The following LRRTM4 variants were observed in gnomAD, a reference collection of about 807,000 sequenced individuals.
LRRTM4 encodes the protein leucine-rich repeat transmembrane neuronal protein 4.
LRRTM4 carries 25 observed loss-of-function variants against 47.6 expected under a neutral mutation model. The observed-to-expected ratio is 0.53, with a 90% confidence interval of 0.38 to 0.73. LRRTM4 has a LOEUF of 0.73. Ranked by LOEUF, LRRTM4 falls within the 30% of genes least tolerant of loss-of-function variation. The pLI is 0.00. For missense variants in LRRTM4, 638 were observed against 713.4 expected (o/e 0.89, Z 1.20); for synonymous variants, 311 against 269.5 (o/e 1.15, Z -1.51).
chr2:76,963,556 TTTC>T (rs1418623133), intron 3 of LRRTM4, among the ~76,000 whole-genome samples: 16 of 151,016 alleles, frequency 1.1e-4, no homozygotes, highest in African/African-American at 3.9e-4. Flanking sequence ...ATGAAATTTA[TTTC>T]TTCCTTGAGA....
At chr2:76,785,349 A>AAAT (rs1674617667) in intron 3 of LRRTM4, among the ~76,000 whole-genome samples, 2 of 152,292 alleles carry the variant, frequency 1.3e-5, no homozygotes, top group South Asian at 4.1e-4. Context: ...GGATTAAGCA[A>AAAT]AATAGAGCAT....
intron 3 of LRRTM4, among the ~76,000 whole-genome samples, chr2:76,797,157 C>A (rs1380080634): frequency 1.3e-5 from 2 of 151,908 alleles, no homozygotes; most frequent in African/African-American, 2.4e-5. Context: ...CCAATACACA[C>A]AATTGTCAGA....
chr2:77,512,949 C>A (rs190231356), intron 3 of LRRTM4, among the ~76,000 whole-genome samples: 3 of 152,102 alleles, frequency 2.0e-5, no homozygotes, highest in Non-Finnish European at 4.4e-5. Flanking sequence ...TTAGCTATGT[C>A]GGTCTTTTTT....
At chr2:77,214,100 T>G (rs1674370887) in intron 3 of LRRTM4, among the ~76,000 whole-genome samples, 1 of 152,222 alleles carries the variant, frequency 6.6e-6, no homozygotes, top group Non-Finnish European at 1.5e-5. Flanking sequence ...GATTTTGTTC[T>G]GGCAATAAAG....
intron 3 of LRRTM4, among the ~76,000 whole-genome samples, chr2:76,827,721 T>C (rs1485034157): frequency 6.6e-6 from 1 of 151,914 alleles, no homozygotes; most frequent in Non-Finnish European, 1.5e-5. Flanking sequence ...CTGATAAGAT[T>C]ACAAATACAT....
rs191904325 is a variant in LRRTM4 at position 77,479,465 on chromosome 2, G to A, written c.1551+38853C>T. ...AAACTCTGGAGGTTTCAAAAAGCAA[G>A]TCGTCAGGGTTTACCGGACAGTGTG... On this transcript the variant is annotated intron_variant, in intron 3 of 3. Transcript: ENST00000409884. Among the ~76,000 whole-genome samples the A allele has an allele frequency of 2.0e-5, 3 of 152,304 alleles. No individual in the cohort carries two copies. In the East Asian group the frequency reaches 5.8e-4, roughly 29 times the overall value.
chr2:76,972,642 G>A (rs924375745), intron 3 of LRRTM4, among the ~76,000 whole-genome samples: 6 of 151,736 alleles, frequency 4.0e-5, no homozygotes, highest in East Asian at 2.0e-4. Context: ...TGGTCGACTC[G>A]AACTCCTGAC....
intron 3 of LRRTM4, among the ~76,000 whole-genome samples, chr2:77,235,739 C>A (rs1573118594): frequency 6.6e-6 from 1 of 152,138 alleles, no homozygotes. Flanking sequence ...ATATGGCTAG[C>A]CAGCTATCCC....
At chr2:76,843,111 T>C (rs955780573) in intron 3 of LRRTM4, among the ~76,000 whole-genome samples, 1 of 152,174 alleles carries the variant, frequency 6.6e-6, no homozygotes, top group African/African-American at 2.4e-5. Flanking sequence ...CATTTCCAAG[T>C]GACAAACAGT....
At chr2:76,855,568 A>G (rs1430733724) in intron 3 of LRRTM4, among the ~76,000 whole-genome samples, 2 of 152,298 alleles carry the variant, frequency 1.3e-5, no homozygotes, top group East Asian at 1.9e-4. Flanking sequence ...TGTCTTCCTC[A>G]TTCTATTTAA....
At chr2:76,873,514 A>ATATATATATATATG (rs1251805675) in intron 3 of LRRTM4, among the ~76,000 whole-genome samples, 1 of 145,338 alleles carries the variant, frequency 6.9e-6, no homozygotes, top group African/African-American at 2.5e-5. Context: ...GTGTATATAT[A>ATATATATATATATG]TATATATATA....
chr2:77,272,024 T>C (rs1045387440), intron 3 of LRRTM4, among the ~76,000 whole-genome samples: 3 of 152,174 alleles, frequency 2.0e-5, no homozygotes, highest in Non-Finnish European at 2.9e-5. Context: ...TATGGTTTTT[T>C]GCTTGGTTAA....
At chr2:77,295,976 C>G (rs548496762) in intron 3 of LRRTM4, among the ~76,000 whole-genome samples, 2 of 152,258 alleles carry the variant, frequency 1.3e-5, no homozygotes, top group East Asian at 3.9e-4. Context: ...TATAACCTGT[C>G]GAATATATTT....
intron 3 of LRRTM4, among the ~76,000 whole-genome samples, chr2:77,494,774 G>A (rs114737510): frequency 3.0e-4 from 45 of 152,050 alleles, no homozygotes; most frequent in African/African-American, 1.0e-3. Context: ...CACAAGTTTC[G>A]TTGTTCCCCT....
chr2:77,048,028 A>T (rs1403170611), intron 3 of LRRTM4, among the ~76,000 whole-genome samples: 2 of 152,068 alleles, frequency 1.3e-5, no homozygotes, highest in African/African-American at 4.8e-5. Context: ...ATGCAAAGAC[A>T]TTTTGATACA....
intron 3 of LRRTM4, among the ~76,000 whole-genome samples, chr2:76,865,033 T>A (rs372756599): frequency 6.6e-6 from 1 of 152,006 alleles, no homozygotes; most frequent in Non-Finnish European, 1.5e-5. Context: ...CTTTCCATTA[T>A]TGAAGGAGAA....
intron 3 of LRRTM4, among the ~76,000 whole-genome samples, chr2:76,997,353 CTG>C (rs3057995): frequency 0.5 from 76,333 of 151,722 alleles, 19,891 homozygotes; most frequent in African/African-American, 0.63. Context: ...TTATTTCTCA[CTG>C]TAAGTTTGAT....
intron 3 of LRRTM4, among the ~76,000 whole-genome samples, chr2:77,504,252 C>A (rs549804741): frequency 6.6e-6 from 1 of 151,544 alleles, no homozygotes; most frequent in African/African-American, 2.4e-5. Context: ...TGTACTCATC[C>A]TTTACATATT....
intron 3 of LRRTM4, among the ~76,000 whole-genome samples, chr2:76,812,441 A>T (rs1670761824): frequency 6.6e-6 from 1 of 152,172 alleles, no homozygotes; most frequent in Admixed American, 6.5e-5. Flanking sequence ...TAAATTCTCC[A>T]TTCTTAAGAG....
Sources: gnomAD v4.1 joint callset for allele counts (sites outside exome capture counted in the v4.1 genomes callset) on GRCh38, gnomAD v4.1.1 for gene constraint, MANE v1.5 for transcripts, NCBI Gene and HGNC (gene_info 2026-07-23, HGNC 2026-07-21) for gene names.